SEMA3A: variants seen among roughly 807,000 people sequenced by gnomAD.
SEMA3A encodes semaphorin-3A.
A neutral mutation model predicts 97.9 loss-of-function variants in SEMA3A; 29 were observed. That is an observed-to-expected ratio of 0.30 (90% CI 0.22 to 0.40). The LOEUF is 0.40. Ranked by LOEUF, SEMA3A falls within the 10% of genes least tolerant of loss-of-function variation. The pLI, the probability that SEMA3A is intolerant of heterozygous loss-of-function variation, is 1.00. For missense variants in SEMA3A, 763 were observed against 951.3 expected, an observed-to-expected ratio of 0.80 and a Z score of 2.60; for synonymous variants, 321 against 323.7, an observed-to-expected ratio of 0.99 and a Z score of 0.09.
At chr7:84,011,791 T>G (rs376033902) in intron 7 of SEMA3A, among the ~76,000 whole-genome samples, 1 of 152,184 alleles carries the variant, frequency 6.6e-6, no homozygotes, top group Non-Finnish European at 1.5e-5. Context: ...TTTGAGGTGA[T>G]GGGTGTGTTA....
At chr7:84,180,108 G>A (rs573143263) in intron 1 of SEMA3A, among the ~76,000 whole-genome samples, 9 of 150,250 alleles carry the variant, frequency 6.0e-5, no homozygotes, top group South Asian at 2.1e-4. Context: ...CACCATGCCC[G>A]GCTGATTTTG....
intron 3 of SEMA3A, among the ~76,000 whole-genome samples, chr7:84,230,336 G>A (rs1799090750): frequency 6.6e-6 from 1 of 151,830 alleles, no homozygotes; most frequent in African/African-American, 2.4e-5. Context: ...CGTATATTCT[G>A]ATATTTTTTA....
chr7:84,025,820 C>G (rs1453348380), intron 6 of SEMA3A, among the ~76,000 whole-genome samples: 2 of 152,094 alleles, frequency 1.3e-5, no homozygotes, highest in African/African-American at 2.4e-5. Context: ...TAAGACCCAG[C>G]GAATGTTCAA....
intron 2 of SEMA3A, among the ~76,000 whole-genome samples, chr7:84,352,230 A>G (rs1396060912): frequency 1.3e-5 from 2 of 151,972 alleles, no homozygotes; most frequent in African/African-American, 4.8e-5. Context: ...CAGAGGCTGG[A>G]AAGGTTAGTG....
upstream of SEMA3A, among the ~76,000 whole-genome samples, chr7:84,196,522 CAG>C (rs1798236560): frequency 6.6e-6 from 1 of 152,186 alleles, no homozygotes; most frequent in African/African-American, 2.4e-5. Context: ...ACTCATCAAA[CAG>C]ATCTTATTGT....
chr7:84,379,031 C>T lies in SEMA3A; in HGVS notation c.-245-7131G>A, dbSNP rs922222147. On this transcript the variant is annotated intron_variant, in intron 1 of 3. Transcript: ENST00000424555. ...CAAGCTCCGCCTCCCAGGTTCATGC[C>T]GTTCTCCTGCCTCAGCCTCCTGAGT... Among the ~76,000 whole-genome samples the T allele has an allele frequency of 3.9e-5, 6 of 151,996 alleles. No individual in the cohort carries two copies. The South Asian group carries it at 1.2e-3, about 32-fold the overall frequency.
At chr7:84,105,550 G>C (rs1172580577) in intron 4 of SEMA3A, among the ~76,000 whole-genome samples, 1 of 152,004 alleles carries the variant, frequency 6.6e-6, no homozygotes, top group Non-Finnish European at 1.5e-5. Context: ...TATTATGAGA[G>C]TATTTATAGA....
At chr7:84,467,874 T>A (rs192567591) in intron 1 of SEMA3A, among the ~76,000 whole-genome samples, 1 of 152,124 alleles carries the variant, frequency 6.6e-6, no homozygotes, top group Non-Finnish European at 1.5e-5. Flanking sequence ...TGCCTGTGTA[T>A]AACATTATTA....
At position 84,353,603 on chromosome 7, in the gene SEMA3A, C is replaced by T. The variant is rs115428684; in HGVS notation, c.-169+18221G>A. Among the ~76,000 whole-genome samples, 705 of 151,694 alleles carry T rather than the reference C, an allele frequency of 4.6e-3. 6 individuals are homozygous for T. The highest frequency in any genetic ancestry group is 0.016 in the African/African-American group (657 of 41,490). On this transcript the variant is annotated intron_variant, in intron 2 of 3. Coordinates refer to the SEMA3A transcript ENST00000424555. ...GATATAAAGGTTCAGATGGGTAAAGCATACTTCAATGTCTATGAGTAAATT... is the reference window on the plus strand; with the variant it reads ...GATATAAAGGTTCAGATGGGTAAAGTATACTTCAATGTCTATGAGTAAATT...
chr7:84,390,297 A>ATT (rs761804699), intron 1 of SEMA3A, among the ~76,000 whole-genome samples: 6 of 145,264 alleles, frequency 4.1e-5, no homozygotes, highest in African/African-American at 1.5e-4. Context: ...GCAGTGCAAG[A>ATT]TTTTTTTTTT....
At chr7:83,987,630 G>T (rs1003143222) in intron 12 of SEMA3A, among the ~76,000 whole-genome samples, 1 of 151,996 alleles carries the variant, frequency 6.6e-6, no homozygotes, top group Non-Finnish European at 1.5e-5. Flanking sequence ...AATTACGCCT[G>T]GTATTTACAA....
intron 2 of SEMA3A, 132 bp from the exon 3 acceptor site, chr7:84,129,317 T>A: frequency 1.4e-6 from 1 of 727,710 alleles, no homozygotes; most frequent in Non-Finnish European, 2.3e-6. Flanking sequence ...CAGGAAACTT[T>A]CACTTTAGAC....
chr7:84,238,104 CTG>C (rs1165159327), intron 3 of SEMA3A, among the ~76,000 whole-genome samples: 1 of 151,738 alleles, frequency 6.6e-6, no homozygotes, highest in Non-Finnish European at 1.5e-5. Flanking sequence ...GAGTCTCACT[CTG>C]TCACCCAGAC....
rs1180543614 is a variant in SEMA3A at position 84,046,500 on chromosome 7, AC to A, written c.548-58del. On this transcript the variant is annotated intron_variant, in intron 5 of 16. Coordinates refer to ENST00000265362, the MANE Select transcript of SEMA3A (RefSeq NM_006080.3). ...TTAATTCAATTAAGGCAAAAACAAAACAAAACAAAACAAACAAAATGCAAGT... is the reference window on the plus strand; with the variant it reads ...TTAATTCAATTAAGGCAAAAACAAAAAAAACAAAACAAACAAAATGCAAGT... 9.4e-6 allele frequency: 15 copies of A among 1,592,764 alleles called. No homozygotes were observed. In the East Asian group the frequency reaches 3.1e-4, roughly 33 times the overall value.
chr7:84,109,662 T>A (rs1795218449), intron 4 of SEMA3A, among the ~76,000 whole-genome samples: 1 of 152,188 alleles, frequency 6.6e-6, no homozygotes, highest in South Asian at 2.1e-4. Flanking sequence ...CAGAAATATT[T>A]CAAGAATAAG....
At chr7:84,083,822 T>A (rs1794241755) in intron 4 of SEMA3A, among the ~76,000 whole-genome samples, 1 of 152,024 alleles carries the variant, frequency 6.6e-6, no homozygotes, top group South Asian at 2.1e-4. Context: ...AAGTGACTAT[T>A]CAATATCAAG....
intron 1 of SEMA3A, among the ~76,000 whole-genome samples, chr7:84,169,800 A>G (rs1797330039): frequency 6.6e-6 from 1 of 151,726 alleles, no homozygotes; most frequent in Non-Finnish European, 1.5e-5. Context: ...GATAAAGTCA[A>G]TTTAAAAAAT....
chr7:84,225,388 TA>T (rs1798965808), intron 3 of SEMA3A, among the ~76,000 whole-genome samples: 1 of 152,060 alleles, frequency 6.6e-6, no homozygotes, highest in Non-Finnish European at 1.5e-5. Context: ...GGTAAGAAAT[TA>T]AAAATCCCCA....
chr7:84,371,870 G>C (rs1196574524), exon 2 of SEMA3A: 1 of 152,010 alleles, frequency 6.6e-6, no homozygotes. Flanking sequence ...TGTTATGTTA[G>C]ACTGTCCCAT....
Sources: gnomAD v4.1 joint callset for allele counts (sites outside exome capture counted in the v4.1 genomes callset) on GRCh38, gnomAD v4.1.1 for gene constraint, MANE v1.5 for transcripts, NCBI Gene and HGNC (gene_info 2026-07-23, HGNC 2026-07-21) for gene names.